The following GALNT10 variants were observed in gnomAD, a reference collection of about 807,000 sequenced individuals.
GALNT10 encodes the protein GalNAc transferase 10.
A neutral mutation model predicts 75.0 loss-of-function variants in GALNT10; 41 were observed. The ratio of observed to expected loss-of-function variants is 0.55; its 90% CI spans 0.43 to 0.71. The LOEUF (loss-of-function observed/expected upper bound fraction) is 0.71, where lower values mean the gene tolerates loss of function less well. Among genes scored for constraint, GALNT10 ranks in the 30% least tolerant of loss-of-function variants. GALNT10 has a pLI of 0.00. For missense variants in GALNT10, 727 were observed against 818.5 expected, an observed-to-expected ratio of 0.89 and a Z score of 1.36; for synonymous variants, 302 against 313.0, an observed-to-expected ratio of 0.96 and a Z score of 0.37.
chr5:154,362,194 G>C (rs1250537502), intron 4 of GALNT10, among the ~76,000 whole-genome samples: 1 of 152,248 alleles, frequency 6.6e-6, no homozygotes, highest in African/African-American at 2.4e-5. Context: ...ACTGGGATGT[G>C]TGCATGTGTT....
intron 1 of GALNT10, among the ~76,000 whole-genome samples, chr5:154,270,052 C>T (rs1753837995): frequency 1.3e-5 from 2 of 152,014 alleles, no homozygotes; most frequent in Non-Finnish European, 2.9e-5. Flanking sequence ...AGTGGCTTGG[C>T]TGAGGTTCCT....
At chr5:154,236,321 G>T (rs990091923) in intron 1 of GALNT10, among the ~76,000 whole-genome samples, 9 of 152,166 alleles carry the variant, frequency 5.9e-5, no homozygotes, top group Admixed American at 5.9e-4. Flanking sequence ...CCAGCTCAGT[G>T]CCTGACCCAA....
intron 10 of GALNT10, among the ~76,000 whole-genome samples, chr5:154,414,059 A>G (rs1258388262): frequency 6.6e-6 from 1 of 152,248 alleles, no homozygotes; most frequent in Non-Finnish European, 1.5e-5. Flanking sequence ...TCATTAGTTA[A>G]TAGAGAAATA....
chr5:154,323,596 G>A (rs1457406790), intron 3 of GALNT10, among the ~76,000 whole-genome samples: 2 of 152,222 alleles, frequency 1.3e-5, no homozygotes, highest in Non-Finnish European at 2.9e-5. Flanking sequence ...GTCAGGTGAT[G>A]TATGTAGCGG....
At chr5:154,277,137 T>A (rs900259268) in intron 1 of GALNT10, among the ~76,000 whole-genome samples, 1 of 152,088 alleles carries the variant, frequency 6.6e-6, no homozygotes, top group Non-Finnish European at 1.5e-5. Flanking sequence ...CTGACTCATG[T>A]ATCTCTGGTC....
chr5:154,192,497 G>C (rs934704392), intron 1 of GALNT10, among the ~76,000 whole-genome samples: 11 of 152,310 alleles, frequency 7.2e-5, no homozygotes, highest in African/African-American at 2.6e-4. Flanking sequence ...AGGAGTTCCA[G>C]GGTTCTGACC....
At chr5:154,364,660 CTG>C (rs1465614614) in intron 4 of GALNT10, among the ~76,000 whole-genome samples, 1 of 152,146 alleles carries the variant, frequency 6.6e-6, no homozygotes, top group East Asian at 1.9e-4. Context: ...CAGGCCAACA[CTG>C]TTGCTGAAGT....
At position 154,303,837 on chromosome 5, in the gene GALNT10, T is replaced by C. The variant is rs544869074; in HGVS notation, c.401+5758T>C. Among the ~76,000 whole-genome samples the C allele has an allele frequency of 2.6e-5, 4 of 152,198 alleles. No homozygotes were observed. The East Asian group carries it at 5.8e-4, about 22-fold the overall frequency. ...AAAGATTATCAGGTATGCAAAAAAG[T>C]AGAGAAACATGACCCACAGTGACAA... On this transcript the variant is annotated intron_variant, in intron 3 of 11. Transcript: ENST00000297107.
At chr5:154,285,775 A>G (rs1754101849) in intron 1 of GALNT10, among the ~76,000 whole-genome samples, 1 of 151,822 alleles carries the variant, frequency 6.6e-6, no homozygotes, top group Non-Finnish European at 1.5e-5. Flanking sequence ...TGATCTTATC[A>G]CCTCCTTATA....
intron 1 of GALNT10, among the ~76,000 whole-genome samples, chr5:154,277,688 T>G (rs1424284266): frequency 6.6e-6 from 1 of 152,212 alleles, no homozygotes; most frequent in Non-Finnish European, 1.5e-5. Context: ...ACCAGAGTTA[T>G]CAGAAGCCAG....
At chr5:154,371,124 T>C (rs954090304) in intron 4 of GALNT10, among the ~76,000 whole-genome samples, 2 of 152,208 alleles carry the variant, frequency 1.3e-5, no homozygotes, top group African/African-American at 4.8e-5. Flanking sequence ...TCCCAGCTTC[T>C]GGTATTGCTG....
intron 1 of GALNT10, among the ~76,000 whole-genome samples, chr5:154,196,299 G>A (rs1479847554): frequency 6.6e-6 from 1 of 152,228 alleles, no homozygotes; most frequent in Non-Finnish European, 1.5e-5. Flanking sequence ...AGGAATTAAA[G>A]GCTGGGAAGT....
intron 1 of GALNT10, among the ~76,000 whole-genome samples, chr5:154,241,016 G>A (rs1753327872): frequency 6.6e-6 from 1 of 152,232 alleles, no homozygotes; most frequent in Non-Finnish European, 1.5e-5. Flanking sequence ...TAAATGCTCA[G>A]TAAATGGCTG....
intron 8 of GALNT10, among the ~76,000 whole-genome samples, chr5:154,408,367 G>A (rs1011621630): frequency 2.0e-5 from 3 of 152,112 alleles, no homozygotes; most frequent in East Asian, 3.8e-4. Flanking sequence ...AAAAACTTAC[G>A]AAGGAGGTAA....
intron 7 of GALNT10, chr5:154,387,188 G>A (rs1483587268): frequency 6.6e-6 from 1 of 152,218 alleles, no homozygotes; most frequent in Non-Finnish European, 1.5e-5. Flanking sequence ...GACTCTGGAA[G>A]CTTTCTGACA....
intron 1 of GALNT10, among the ~76,000 whole-genome samples, chr5:154,261,251 T>C (rs1340141088): frequency 6.7e-5 from 10 of 148,406 alleles, no homozygotes; most frequent in East Asian, 1.9e-4. Context: ...GGCTCATAAG[T>C]AGGTTTAAGC....
At chr5:154,332,147 C>T (rs551768827) in intron 4 of GALNT10, among the ~76,000 whole-genome samples, 140 of 152,304 alleles carry the variant, frequency 9.2e-4, no homozygotes, top group Non-Finnish European at 1.9e-3. Flanking sequence ...CAAGGGCTCA[C>T]AGCTGGGCAG....
chr5:154,302,969 A>G (rs1754382208), intron 3 of GALNT10, among the ~76,000 whole-genome samples: 1 of 152,224 alleles, frequency 6.6e-6, no homozygotes, highest in African/African-American at 2.4e-5. Flanking sequence ...CAACTTGCCA[A>G]CACAGGAAGT....
chr5:154,330,561 C>T (rs1177415160), intron 4 of GALNT10, among the ~76,000 whole-genome samples: 1 of 152,178 alleles, frequency 6.6e-6, no homozygotes, highest in Non-Finnish European at 1.5e-5. Flanking sequence ...CATCCAGAGC[C>T]TCTTAGCTGT....
Sources: allele counts gnomAD v4.1 joint callset (sites outside exome capture counted in the v4.1 genomes callset), GRCh38; gene constraint gnomAD v4.1.1; transcripts MANE v1.5; gene names NCBI Gene and HGNC (gene_info 2026-07-23, HGNC 2026-07-21).